ZNF562: variants seen among roughly 807,000 people sequenced by gnomAD.
The protein encoded by ZNF562 is zinc finger protein 562.
In ZNF562, 13 loss-of-function variants were observed where a neutral mutation model predicts 17.5. The ratio of observed to expected loss-of-function variants is 0.74; its 90% CI spans 0.48 to 1.18. The LOEUF (loss-of-function observed/expected upper bound fraction) is 1.18. Among genes scored for constraint, ZNF562 ranks in the 50% most tolerant of loss-of-function variants. The pLI is 0.00. For synonymous variants in ZNF562, 163 were observed against 165.4 expected, an observed-to-expected ratio of 0.99 and a Z score of 0.11; for missense variants, 481 against 498.5, an observed-to-expected ratio of 0.96 and a Z score of 0.33.
intron 1 of ZNF562, among the ~76,000 whole-genome samples, chr19:9,667,897 C>T (rs2044013670): frequency 6.6e-6 from 1 of 152,012 alleles, no homozygotes; most frequent in Non-Finnish European, 1.5e-5. Context: ...GCTCAGCTGA[C>T]ATAATCATAT....
chr19:9,668,488 G>T (rs1314462674), intron 1 of ZNF562, among the ~76,000 whole-genome samples: 4 of 151,980 alleles, frequency 2.6e-5, no homozygotes, highest in African/African-American at 9.7e-5. Flanking sequence ...AAAATGGAAA[G>T]ACATTCCATG....
chr19:9,653,732 G>A lies in ZNF562; in HGVS notation c.498C>T (p.His166=), dbSNP rs1247651512. Residue 166 remains histidine, a synonymous_variant, in exon 6 of 6, where the codon CAC becomes CAT. Coordinates refer to ENST00000453372, the MANE Select transcript of ZNF562 (RefSeq NM_001130031.2). ...NCYGKDSISV[H]KEASIGQELS... is the part of the protein sequence containing the mutation. Reference sequence around the variant, plus strand: ...GTTCTTGTCCAATAGAGGCTTCCTTGTGCACACTGATGCTGTCTTTTCCAT... The same window carrying A: ...GTTCTTGTCCAATAGAGGCTTCCTTATGCACACTGATGCTGTCTTTTCCAT... 5.6e-6 allele frequency: 9 copies of A among 1,613,924 alleles called. No homozygotes were observed. Among genetic ancestry groups the A allele is most frequent in the Non-Finnish European group, 7.6e-6 (9 of 1,179,980 alleles).
chr19:9,650,230 A>G lies in ZNF562; in HGVS notation c.*2719T>C, dbSNP rs1457880615. ...GTAAAGCAAGAAAATATTTAGAGAG[A>G]GCTTCATCATCATACGAATTTTGGG... On this transcript the variant is annotated 3_prime_UTR_variant, in exon 6 of 6. Coordinates refer to ENST00000453372, the MANE Select transcript of ZNF562 (RefSeq NM_001130031.2). 6.6e-6 allele frequency: 1 copy of G among 152,036 alleles called. No homozygotes were observed. Among genetic ancestry groups the G allele is most frequent in the South Asian group, 2.1e-4 (1 of 4,818 alleles). 9.4% of individuals were successfully genotyped at this position (152,036 alleles called of 1,614,324 possible).
intron 1 of ZNF562, among the ~76,000 whole-genome samples, chr19:9,670,999 CAAAA>C (rs61660395): frequency 1.1e-5 from 1 of 92,788 alleles, no homozygotes; most frequent in Non-Finnish European, 2.4e-5. Flanking sequence ...CTCCATCTCC[CAAAA>C]AAAAAAAAAA....
At chr19:9,672,849 G>C (rs143760171) in intron 1 of ZNF562, among the ~76,000 whole-genome samples, 1 of 147,214 alleles carries the variant, frequency 6.8e-6, no homozygotes, top group South Asian at 2.1e-4. Flanking sequence ...GCGGGATCTC[G>C]GCTCAATGCA....
rs761546426 is a variant in ZNF562, at chr19:9,656,660, G to T, written c.242-7C>A. 2 of 1,609,886 alleles carry T rather than the reference G, an allele frequency of 1.2e-6. No homozygotes were observed. The highest frequency in any genetic ancestry group is 3.3e-5 in the Admixed American group (2 of 59,826). On this transcript the variant is annotated splice_region_variant and splice_polypyrimidine_tract_variant and intron_variant, in intron 4 of 5. Coordinates refer to ENST00000453372, the MANE Select transcript of ZNF562 (RefSeq NM_001130031.2). ...GTTAAGCAGAAAAAGAAATCTAAGG[G>T]TTTAGAGAAGAAATGTGTTAGTTTA...
rs1200100293 is a variant in ZNF562 at position 9,650,096 on chromosome 19, TACAGCCAAACCAACA to T, written c.*2838_*2852del. 1 of 152,090 alleles carries T rather than the reference TACAGCCAAACCAACA, an allele frequency of 6.6e-6. No individual in the cohort carries two copies. Among genetic ancestry groups the T allele is most frequent in the African/African-American group, 2.4e-5 (1 of 41,426 alleles). 9.4% of individuals were successfully genotyped at this position (152,090 alleles called of 1,614,324 possible). A position where few individuals can be genotyped will look rare whatever the true frequency, so the allele number is the denominator to read the frequency against. ...AAAAAATAAAAAAGAAATAAAAGCC[TACAGCCAAACCAACA>T]AAATAGAGTGCATATCTCACCAGAA... On this transcript the variant is annotated 3_prime_UTR_variant, in exon 6 of 6. Coordinates refer to ENST00000453372, the MANE Select transcript of ZNF562 (RefSeq NM_001130031.2).
In ZNF562 at chr19:9,653,362, A is replaced by G; in HGVS notation, c.868T>C (p.Cys290Arg). Reference protein sequence around the residue: ...KTHKGEKSFECKECGRSFRNS... With the variant: ...KTHKGEKSFERKECGRSFRNS... ...CTAAAGGATCTTCCACATTCTTTAC[A>G]TTCAAAGGACTTCTCTCCTTTATGA... The change falls in exon 6 of 6, where the codon TGT becomes CGT. Residue 290 changes from cysteine (C) to arginine (R), a missense_variant. Cys to Arg is a radical substitution (Grantham distance 180, BLOSUM62 -3). Coordinates refer to ENST00000453372, the MANE Select transcript of ZNF562 (RefSeq NM_001130031.2). 2 of 1,614,092 alleles carry G rather than the reference A, an allele frequency of 1.2e-6. No homozygotes were observed. Among genetic ancestry groups the G allele is most frequent in the Non-Finnish European group, 1.7e-6 (2 of 1,179,990 alleles).
intron 5 of ZNF562, among the ~76,000 whole-genome samples, chr19:9,656,070 C>G (rs564156474): frequency 6.6e-6 from 1 of 152,166 alleles, no homozygotes; most frequent in East Asian, 1.9e-4. Flanking sequence ...GCTATACTGC[C>G]TAGGCTGGTC....
At chr19:9,665,735 G>A (rs560294329) in intron 1 of ZNF562, among the ~76,000 whole-genome samples, 11 of 152,192 alleles carry the variant, frequency 7.2e-5, no homozygotes, top group Admixed American at 5.9e-4. Flanking sequence ...AAAAGGAGGC[G>A]GTGACCTAGG....
At chr19:9,671,829 G>GA (rs1364234427) in intron 1 of ZNF562, among the ~76,000 whole-genome samples, 3 of 152,198 alleles carry the variant, frequency 2.0e-5, no homozygotes, top group African/African-American at 7.2e-5. Context: ...TTTCTCTTGA[G>GA]AAACAGGTTG....
Position 9,653,626 on chromosome 19 carries a change from G to T in ZNF562, c.604C>A (p.Gln202Lys). 6.2e-7 allele frequency: 1 copy of T among 1,614,084 alleles called. No individual in the cohort carries two copies. The highest frequency in any genetic ancestry group is 8.5e-7 in the Non-Finnish European group (1 of 1,179,930). Residue 202 changes from glutamine (Q) to lysine (K), a missense_variant, in exon 6 of 6, where the codon CAA (glutamine) becomes AAA (lysine). This residue lies in a region of ZNF562 where 403 missense variants were observed against 386.4 expected (regional missense o/e 1.04). Coordinates refer to ENST00000453372, the MANE Select transcript of ZNF562 (RefSeq NM_001130031.2). ...AVHLEILNGRQPYKCKECGKG... is the reference protein window; with the variant it reads ...AVHLEILNGRKPYKCKECGKG... ...CCACATTCCTTACATTTGTAGGGTT[G>T]TCTTCCATTGAGAATTTCAAGATGC...
Position 9,653,322 on chromosome 19 carries a change from A to C in ZNF562, c.908T>G (p.Phe303Cys). 1.9e-6 allele frequency: 3 copies of C among 1,614,118 alleles called. No individual in the cohort carries two copies. Among genetic ancestry groups the C allele is most frequent in the Non-Finnish European group, 2.5e-6 (3 of 1,179,984 alleles). Residue 303 changes from phenylalanine (F) to cysteine (C), a missense_variant, in exon 6 of 6, where the codon TTT becomes TGT. Phe to Cys is a radical substitution (Grantham distance 205, BLOSUM62 -2). This residue lies in a region of ZNF562 where 403 missense variants were observed against 386.4 expected (regional missense o/e 1.04). Coordinates refer to ENST00000453372, the MANE Select transcript of ZNF562 (RefSeq NM_001130031.2). ...CGRSFRNSSSFNVHIQIHTGI... is the reference protein window; with the variant it reads ...CGRSFRNSSSCNVHIQIHTGI... ...AGTGTGAATTTGAATGTGAACATTA[A>C]AGGATGAGGAATTTCTAAAGGATCT...
rs781309678 is a variant in ZNF562, at chr19:9,653,328, G to A, written c.902C>T (p.Ser301Leu). 5 of 1,613,938 alleles carry A rather than the reference G, an allele frequency of 3.1e-6. No individual in the cohort carries two copies. The South Asian group carries it at 5.5e-5, about 18-fold the overall frequency. ...KECGRSFRNS[S>L]SFNVHIQIHT... Reference sequence around the variant, plus strand: ...AATTTGAATGTGAACATTAAAGGATGAGGAATTTCTAAAGGATCTTCCACA... The same window carrying A: ...AATTTGAATGTGAACATTAAAGGATAAGGAATTTCTAAAGGATCTTCCACA... The change falls in exon 6 of 6, where the codon TCA becomes TTA. Residue 301 changes from serine (S) to leucine (L), a missense_variant. Around this residue, in one of 2 missense-constraint regions of ZNF562, gnomAD observed 403 missense variants for 386.4 expected, o/e 1.04. Coordinates refer to ENST00000453372, the MANE Select transcript of ZNF562 (RefSeq NM_001130031.2).
At chr19:9,670,165 G>A (rs2044131230) in intron 1 of ZNF562, among the ~76,000 whole-genome samples, 1 of 152,028 alleles carries the variant, frequency 6.6e-6, no homozygotes, top group Admixed American at 6.6e-5. Flanking sequence ...CCTGAGCCCA[G>A]GAAGTCAAGG....
At position 9,659,461 on chromosome 19, in the gene ZNF562, A is replaced by G; in HGVS notation, c.32T>C (p.Phe11Ser). 6.4e-7 allele frequency: 1 copy of G among 1,551,200 alleles called. No individual in the cohort carries two copies. Residue 11 changes from phenylalanine (F) to serine (S), a missense_variant, in exon 3 of 6, where the codon TTT (phenylalanine) becomes TCT (serine). Coordinates refer to ENST00000453372, the MANE Select transcript of ZNF562 (RefSeq NM_001130031.2). ...AAAAGGACAGATTGGTTCCCTGGGA[A>G]AAAACCCTAGTGGAAAAGTAAGAAG... is the stretch of plus-strand genomic sequence containing the variant. MSAFDMSHGF[F>S]PREPICPFEE...
rs2044052111 is a variant in ZNF562, at chr19:9,669,072, G to T, written c.-131+5943C>A. On this transcript the variant is annotated intron_variant, in intron 1 of 5. Transcript: ENST00000453372. ...GGTCTGGGTAAAGATTTCTTGGGAA[G>T]ATCTCAAAAGCACAGGCAACAAGAG... 2.0e-5 allele frequency among the ~76,000 whole-genome samples: 3 copies of T among 152,136 alleles called. 1 individual carries two copies. The South Asian group carries it at 6.2e-4, about 31-fold the overall frequency.
intron 5 of ZNF562, among the ~76,000 whole-genome samples, chr19:9,654,387 G>A (rs920690543): frequency 5.3e-5 from 8 of 152,070 alleles, no homozygotes. Context: ...CGCCTGGCTG[G>A]GTTCAAGTGA....
At chr19:9,657,976 C>G (rs772667903) in intron 4 of ZNF562, 33 bp downstream of exon 4, 25 of 1,593,600 alleles carry the variant, frequency 1.6e-5, no homozygotes, top group Non-Finnish European at 2.0e-5. Flanking sequence ...CAGGTGCAGG[C>G]CACCATGCCA....
Sources: gnomAD v4.1 joint callset for allele counts (sites outside exome capture counted in the v4.1 genomes callset) on GRCh38, gnomAD v4.1.1 for gene constraint, gnomAD v4.1.1 regional missense constraint, MANE v1.5 for transcripts, NCBI Gene and HGNC (gene_info 2026-07-23, HGNC 2026-07-21) for gene names.